Variants in BAZ2B observed in about 807,000 individuals in gnomAD.
The protein encoded by BAZ2B is bromodomain adjacent to zinc finger domain protein 2B.
Under a neutral mutation model 246.0 loss-of-function variants are expected in BAZ2B, and 91 were observed. That is an observed-to-expected ratio of 0.37 (90% confidence interval 0.31 to 0.44). The LOEUF (loss-of-function observed/expected upper bound fraction) is 0.44, where lower values mean the gene tolerates loss of function less well. Among genes scored for constraint, BAZ2B ranks in the 20% least tolerant of loss-of-function variants. The pLI, the probability that BAZ2B is intolerant of heterozygous loss-of-function variation, is 1.00. For missense variants in BAZ2B, 2,332 were observed against 2,533.7 expected (o/e 0.92, Z 1.71); for synonymous variants, 855 against 860.0 (o/e 0.99, Z 0.10).
chr2:159,449,826 T>C (rs1256055605), intron 4 of BAZ2B, among the ~76,000 whole-genome samples: 1 of 152,182 alleles, frequency 6.6e-6, no homozygotes, highest in Admixed American at 6.5e-5. Context: ...ACAGTCACAA[T>C]CTTGTTATTT....
At chr2:159,337,330 A>G in intron 32 of BAZ2B, 1 of 1,194,762 alleles carries the variant, frequency 8.4e-7, no homozygotes, top group East Asian at 2.6e-5. Flanking sequence ...GTTTTTACAA[A>G]GCACCATGCA....
intron 20 of BAZ2B, among the ~76,000 whole-genome samples, chr2:159,390,947 T>G (rs1387960756): frequency 6.6e-6 from 1 of 152,146 alleles, no homozygotes; most frequent in Non-Finnish European, 1.5e-5. Flanking sequence ...AAAAGCAGTT[T>G]CTGAGGGTTT....
the BAZ2B span, among the ~76,000 whole-genome samples, chr2:159,629,370 C>A: frequency 6.6e-6 from 1 of 152,276 alleles, no homozygotes; most frequent in South Asian, 2.1e-4. Context: ...AAGACACGTG[C>A]ACACATATGT....
chr2:159,629,318 T>TATGA, the BAZ2B span, among the ~76,000 whole-genome samples: 1 of 152,160 alleles, frequency 6.6e-6, no homozygotes, highest in Non-Finnish European at 1.5e-5. Flanking sequence ...GCAATCTCAT[T>TATGA]AGTGGGTATA....
chr2:159,425,850 T>C (rs1193688647), intron 13 of BAZ2B, among the ~76,000 whole-genome samples: 1 of 152,202 alleles, frequency 6.6e-6, no homozygotes, highest in African/African-American at 2.4e-5. Flanking sequence ...TATAATGATA[T>C]ACATTTCCAG....
chr2:159,404,804 A>C (rs2065641979), intron 16 of BAZ2B, 45 bp downstream of exon 16: 3 of 1,506,456 alleles, frequency 2.0e-6, no homozygotes, highest in Admixed American at 1.7e-5. Context: ...AAATCCTCAA[A>C]ATAAGTCCCA....
the BAZ2B span, among the ~76,000 whole-genome samples, chr2:159,650,796 G>A: frequency 6.6e-6 from 1 of 152,098 alleles, no homozygotes; most frequent in African/African-American, 2.4e-5. Context: ...CCTCTTTTGT[G>A]TGACAGAGCC....
At chr2:159,675,194 G>A in the BAZ2B span, among the ~76,000 whole-genome samples, 2 of 151,824 alleles carry the variant, frequency 1.3e-5, no homozygotes, top group Non-Finnish European at 2.9e-5. Flanking sequence ...TTGAGGCCAG[G>A]AATTTGAGAC....
At chr2:159,413,473 C>A (rs909458291) in intron 13 of BAZ2B, among the ~76,000 whole-genome samples, 2 of 151,974 alleles carry the variant, frequency 1.3e-5, no homozygotes, top group African/African-American at 4.8e-5. Flanking sequence ...TTTGGGAGGC[C>A]GAGGCAGGCA....
intron 2 of BAZ2B, among the ~76,000 whole-genome samples, chr2:159,530,913 T>C (rs2085312851): frequency 6.6e-6 from 1 of 152,138 alleles, no homozygotes; most frequent in East Asian, 1.9e-4. Context: ...AAGGCTGCAG[T>C]GAGCCAAGAA....
intron 27 of BAZ2B, among the ~76,000 whole-genome samples, chr2:159,358,283 T>C (rs1443365186): frequency 6.6e-6 from 1 of 151,798 alleles, no homozygotes; most frequent in Non-Finnish European, 1.5e-5. Flanking sequence ...ACCAAGAAAA[T>C]GGAAAGCAAA....
chr2:159,487,516 T>A (rs2150994458), intron 2 of BAZ2B, among the ~76,000 whole-genome samples: 1 of 152,308 alleles, frequency 6.6e-6, no homozygotes, highest in Middle Eastern at 3.4e-3. Context: ...ACTTTCACTG[T>A]TCCCTGGTCT....
chr2:159,445,176 G>T (rs980167815), intron 6 of BAZ2B, among the ~76,000 whole-genome samples: 1 of 152,152 alleles, frequency 6.6e-6, no homozygotes, highest in African/African-American at 2.4e-5. Flanking sequence ...CCTGCAAGCT[G>T]CATACCCACC....
chr2:159,365,102 A>G (rs1186505061), intron 27 of BAZ2B, among the ~76,000 whole-genome samples: 1 of 152,088 alleles, frequency 6.6e-6, no homozygotes, highest in African/African-American at 2.4e-5. Context: ...GTATATTATT[A>G]TATATTGGGG....
At chr2:159,396,649 ATATTTCTAAAAT>A (rs2064069339) in intron 19 of BAZ2B, 1 of 152,158 alleles carries the variant, frequency 6.6e-6, no homozygotes, top group Non-Finnish European at 1.5e-5. Context: ...CTCCAAAGGG[ATATTTCTAAAAT>A]TATTTCTAAA....
chr2:159,584,318 C>T lies in BAZ2B; in HGVS notation c.-45-28453G>A, dbSNP rs78636678. 5.2e-3 allele frequency among the ~76,000 whole-genome samples: 797 copies of T among 152,284 alleles called. 27 individuals carry two copies. The East Asian group carries it at 0.092, about 18-fold the overall frequency. ...TGTATTTTTAGCAGAGACGCGGTTT[C>T]ACCATGTTGGCCAAGATGGTCTCCA... is the stretch of plus-strand genomic sequence containing the variant. On this transcript the variant is annotated intron_variant, in intron 1 of 36. Transcript: ENST00000392783.
At chr2:159,674,317 G>T in the BAZ2B span, among the ~76,000 whole-genome samples, 1 of 130,808 alleles carries the variant, frequency 7.6e-6, no homozygotes, top group Non-Finnish European at 1.6e-5. Flanking sequence ...CCTGGGCAAC[G>T]AAGTGAGACT....
chr2:159,323,672 C>T (rs951980271), intron 36 of BAZ2B, among the ~76,000 whole-genome samples: 1 of 151,808 alleles, frequency 6.6e-6, no homozygotes, highest in African/African-American at 2.4e-5. Context: ...GGCATGGTGG[C>T]GTGCACCTGT....
At chr2:159,696,161 T>A in the BAZ2B span, among the ~76,000 whole-genome samples, 1 of 152,218 alleles carries the variant, frequency 6.6e-6, no homozygotes. Flanking sequence ...ATTTTCTATT[T>A]TCTTTCAAAA....
Sources: allele counts gnomAD v4.1 joint callset (sites outside exome capture counted in the v4.1 genomes callset), GRCh38; gene constraint gnomAD v4.1.1; transcripts MANE v1.5; gene names NCBI Gene and HGNC (gene_info 2026-07-23, HGNC 2026-07-21).